Variants in PLCE1 observed in about 807,000 individuals in gnomAD.
PLCE1 encodes phospholipase C epsilon 1, also known as 1-phosphatidylinositol 4,5-bisphosphate phosphodiesterase epsilon-1.
A neutral mutation model predicts 242.8 loss-of-function variants in PLCE1; 119 were observed. The ratio of observed to expected loss-of-function variants is 0.49; its 90% CI spans 0.42 to 0.57. The LOEUF is 0.57. Among genes scored for constraint, PLCE1 ranks in the 20% least tolerant of loss-of-function variants. The pLI, the probability that PLCE1 is intolerant of heterozygous loss-of-function variation, is 0.00. For synonymous variants in PLCE1, 945 were observed against 1,017.4 expected (o/e 0.93, Z 1.35); for missense variants, 2,441 against 2,788.8 (o/e 0.88, Z 2.81).
At position 94,269,021 on chromosome 10, in the gene PLCE1, C is replaced by A; in HGVS notation, c.4374C>A (p.Thr1458=). ...TTTATCATGGACATACGCTGACAAC[C>A]AAGATCCCCTTCAAGGTAATCCTTC... ...PIIYHGHTLT[T]KIPFKEVVEA... The change falls in exon 17 of 33, where the codon ACC becomes ACA. Residue 1458 remains threonine, a synonymous_variant. Transcript: ENST00000371380. The A allele has an allele frequency of 1.3e-6, 2 of 1,583,054 alleles. No homozygotes were observed. Among genetic ancestry groups the A allele is most frequent in the Non-Finnish European group, 1.7e-6 (2 of 1,152,866 alleles).
chr10:94,068,443 C>T (rs1373480401), intron 2 of PLCE1, among the ~76,000 whole-genome samples: 1 of 152,114 alleles, frequency 6.6e-6, no homozygotes, highest in African/African-American at 2.4e-5. Flanking sequence ...TAACTATTTA[C>T]ATAAAATTTG....
chr10:94,020,129 A>G (rs1015572025), intron 1 of PLCE1, among the ~76,000 whole-genome samples: 14 of 152,186 alleles, frequency 9.2e-5, no homozygotes, highest in African/African-American at 2.7e-4. Flanking sequence ...CTGACCAGCA[A>G]TGTTGCAGTT....
chr10:94,145,927 A>G (rs1370590226), intron 3 of PLCE1, among the ~76,000 whole-genome samples: 1 of 152,072 alleles, frequency 6.6e-6, no homozygotes, highest in African/African-American at 2.4e-5. Context: ...CGTTCCAAGC[A>G]GGGAAAGCAA....
intron 1 of PLCE1, among the ~76,000 whole-genome samples, chr10:93,999,857 T>A (rs1004693941): frequency 1.3e-5 from 2 of 152,210 alleles, no homozygotes; most frequent in Admixed American, 1.3e-4. Context: ...AGCTGGTTAG[T>A]GTCAGGGCCC....
intron 3 of PLCE1, among the ~76,000 whole-genome samples, chr10:94,136,046 A>T (rs1338698182): frequency 2.0e-5 from 3 of 152,250 alleles, no homozygotes; most frequent in Non-Finnish European, 4.4e-5. Flanking sequence ...AAGAAAAAGG[A>T]ATAAGTTCAA....
chr10:94,040,214 C>T (rs868628433), intron 2 of PLCE1, among the ~76,000 whole-genome samples: 3 of 152,266 alleles, frequency 2.0e-5, no homozygotes, highest in Non-Finnish European at 2.9e-5. Flanking sequence ...CCTCAGCCTC[C>T]GAAAGTACTG....
At chr10:94,305,259 G>T (rs1214742148) in intron 25 of PLCE1, among the ~76,000 whole-genome samples, 2 of 152,030 alleles carry the variant, frequency 1.3e-5, no homozygotes, top group African/African-American at 4.8e-5. Context: ...GCAAAACCCT[G>T]TTTCTACAAA....
At chr10:94,294,981 T>A (rs1393458684) in intron 23 of PLCE1, among the ~76,000 whole-genome samples, 2 of 146,644 alleles carry the variant, frequency 1.4e-5, no homozygotes, top group East Asian at 2.0e-4. Flanking sequence ...GGTGGCAAGA[T>A]CTTGTCTCAC....
intron 2 of PLCE1, among the ~76,000 whole-genome samples, chr10:94,084,162 C>T (rs543806632): frequency 6.6e-6 from 1 of 152,204 alleles, no homozygotes; most frequent in Non-Finnish European, 1.5e-5. Context: ...CTGAGAATGG[C>T]TCTGTGCAGC....
chr10:94,299,002 T>A (rs1407707639), intron 24 of PLCE1, among the ~76,000 whole-genome samples: 1 of 152,210 alleles, frequency 6.6e-6, no homozygotes, highest in Non-Finnish European at 1.5e-5. Flanking sequence ...TTCCTAACAC[T>A]GCCCAGTTAA....
chr10:94,089,459 G>A, intron 2 of PLCE1: 1 of 1,119,922 alleles, frequency 8.9e-7, no homozygotes, highest in Non-Finnish European at 1.3e-6. Flanking sequence ...TAGCACCATT[G>A]TGCAGTGTTA....
At chr10:94,293,392 T>G (rs530236878) in intron 22 of PLCE1, 116 bp from the exon 23 acceptor site, 29 of 1,149,040 alleles carry the variant, frequency 2.5e-5, no homozygotes, top group Non-Finnish European at 3.6e-5. Context: ...GTAGGGTTTC[T>G]GTACTAGGTT....
chr10:94,242,481 T>G (rs1471072979), intron 7 of PLCE1, among the ~76,000 whole-genome samples: 2 of 152,078 alleles, frequency 1.3e-5, no homozygotes, highest in Non-Finnish European at 2.9e-5. Context: ...CAGCTAATTT[T>G]TGTATTTTTA....
intron 21 of PLCE1, among the ~76,000 whole-genome samples, chr10:94,284,314 G>A (rs913433845): frequency 6.6e-6 from 1 of 152,110 alleles, no homozygotes; most frequent in African/African-American, 2.4e-5. Context: ...CAGAACATTC[G>A]GGCCAAGAGG....
chr10:94,200,077 A>T (rs2048945751), intron 4 of PLCE1, among the ~76,000 whole-genome samples: 1 of 152,240 alleles, frequency 6.6e-6, no homozygotes, highest in Non-Finnish European at 1.5e-5. Flanking sequence ...TGTTACAAAG[A>T]TGGTTACATA....
In PLCE1 at chr10:94,087,208, G is replaced by A. The variant is rs2044860268; in HGVS notation, c.1207-44966G>A. On this transcript the variant is annotated intron_variant, in intron 2 of 32. Coordinates refer to ENST00000371380, the MANE Select transcript of PLCE1 (RefSeq NM_016341.4). ...ATAAAGTTTTTTAAAAAATTAGCCAGGTGTGGTGGCTTGCACCTGTGGTCC... is the reference window on the plus strand; with the variant it reads ...ATAAAGTTTTTTAAAAAATTAGCCAAGTGTGGTGGCTTGCACCTGTGGTCC... 2.6e-5 allele frequency among the ~76,000 whole-genome samples: 4 copies of A among 151,782 alleles called. No homozygotes were observed. In the South Asian group the frequency reaches 8.3e-4, roughly 32 times the overall value.
chr10:94,131,940 CTGTT>C (rs2046610114), intron 2 of PLCE1, among the ~76,000 whole-genome samples: 1 of 152,184 alleles, frequency 6.6e-6, no homozygotes, highest in South Asian at 2.1e-4. Flanking sequence ...TGTAAGTTCT[CTGTT>C]TGATAGCAGA....
chr10:94,212,694 C>A (rs916356727), intron 4 of PLCE1, among the ~76,000 whole-genome samples: 2 of 152,234 alleles, frequency 1.3e-5, no homozygotes, highest in Non-Finnish European at 2.9e-5. Context: ...TGGCTCCAGA[C>A]ACTTTCTTCA....
chr10:94,049,255 A>G (rs1420756276), intron 2 of PLCE1, among the ~76,000 whole-genome samples: 1 of 152,164 alleles, frequency 6.6e-6, no homozygotes, highest in Admixed American at 6.5e-5. Context: ...AAAGTCTAAG[A>G]TATTCACTTA....
Sources: gnomAD v4.1 joint callset for allele counts (sites outside exome capture counted in the v4.1 genomes callset) on GRCh38, gnomAD v4.1.1 for gene constraint, MANE v1.5 for transcripts, NCBI Gene and HGNC (gene_info 2026-07-23, HGNC 2026-07-21) for gene names.